Variants in TJP2 observed in about 807,000 individuals in gnomAD.
The protein encoded by TJP2 is Friedreich ataxia region gene X104 (tight junction protein ZO-2).
TJP2 carries 91 observed loss-of-function variants against 133.1 expected under a neutral mutation model. The ratio of observed to expected loss-of-function variants is 0.68; its 90% confidence interval spans 0.58 to 0.81. The LOEUF (loss-of-function observed/expected upper bound fraction) is 0.81. TJP2 is among the 40% of genes least tolerant of loss of function. TJP2 has a pLI of 0.00. For missense variants in TJP2, 1,541 were observed against 1,565.6 expected (o/e 0.98, Z 0.26); for synonymous variants, 592 against 583.4 (o/e 1.01, Z -0.21).
At chr9:69,163,175 G>A (rs1824176674) in intron 2 of TJP2, among the ~76,000 whole-genome samples, 1 of 105,724 alleles carries the variant, frequency 9.5e-6, no homozygotes, top group Non-Finnish European at 1.9e-5. Flanking sequence ...ACAGGCGCCC[G>A]CCACTACGCC....
chr9:69,248,118 C>T lies in TJP2; in HGVS notation c.2774C>T (p.Thr925Met), dbSNP rs774198938. ...CGCCTCATCAGTGACTTTGAAGACA[C>T]GGACGGTGAAGGAGGCGCCTACACT... ...DSRLISDFED[T>M]DGEGGAYTDN... The change falls in exon 19 of 23, where the codon ACG (threonine) becomes ATG (methionine). Residue 925 changes from threonine (T) to methionine (M), a missense_variant. Transcript: ENST00000377245. 43 of 1,614,064 alleles carry T rather than the reference C, an allele frequency of 2.7e-5. No homozygotes were observed. In the Admixed American group the frequency reaches 4.5e-4, roughly 17 times the overall value.
At chr9:69,249,506 G>A in intron 20 of TJP2, 21 bp downstream of exon 20, 1 of 1,584,204 alleles carries the variant, frequency 6.3e-7, no homozygotes, top group African/African-American at 1.3e-5. Flanking sequence ...GGGAAGCCCA[G>A]GATGGGAAGG....
chr9:69,175,871 A>T (rs1825046804), intron 1 of TJP2, among the ~76,000 whole-genome samples: 1 of 152,156 alleles, frequency 6.6e-6, no homozygotes, highest in African/African-American at 2.4e-5. Flanking sequence ...ATGCAGATTG[A>T]TGAAGGGGAA....
intron 1 of TJP2, among the ~76,000 whole-genome samples, chr9:69,127,553 C>CAA (rs113447829): frequency 5.0e-5 from 3 of 59,878 alleles, no homozygotes; most frequent in Non-Finnish European, 7.4e-5. Flanking sequence ...GATCTTGTCT[C>CAA]AAAAAAAAAA....
At chr9:69,185,603 A>G (rs996945696) in intron 1 of TJP2, among the ~76,000 whole-genome samples, 6 of 152,226 alleles carry the variant, frequency 3.9e-5, no homozygotes, top group Non-Finnish European at 7.3e-5. Flanking sequence ...GCTTTAATGT[A>G]TAATTTTATG....
At chr9:69,208,313 T>C (rs183593370) in intron 1 of TJP2, among the ~76,000 whole-genome samples, 288 of 152,360 alleles carry the variant, frequency 1.9e-3, no homozygotes, top group Non-Finnish European at 2.8e-3. Flanking sequence ...TTATTACCCG[T>C]TAACCATAGG....
intron 1 of TJP2, among the ~76,000 whole-genome samples, chr9:69,198,011 T>C (rs1220870049): frequency 1.3e-5 from 2 of 152,214 alleles, no homozygotes; most frequent in Admixed American, 6.5e-5. Context: ...CCCAAGCTCA[T>C]GGGTGAATTG....
intron 1 of TJP2, among the ~76,000 whole-genome samples, chr9:69,179,594 C>G (rs1825345935): frequency 6.6e-6 from 1 of 151,282 alleles, no homozygotes; most frequent in Non-Finnish European, 1.5e-5. Flanking sequence ...CTGCAAGCTC[C>G]ACCTCCCGGG....
chr9:69,197,565 A>C (rs1266019599), intron 1 of TJP2, among the ~76,000 whole-genome samples: 2 of 152,100 alleles, frequency 1.3e-5, no homozygotes, highest in Non-Finnish European at 2.9e-5. Flanking sequence ...AAGAAAACAG[A>C]CTTTCTTACT....
intron 2 of TJP2, among the ~76,000 whole-genome samples, chr9:69,156,520 A>T (rs971427591): frequency 2.1e-5 from 3 of 140,432 alleles, no homozygotes. Flanking sequence ...CAATACATGT[A>T]AGATTTTTTT....
exon 1 of TJP2, chr9:69,121,515 G>A: frequency 3.7e-6 from 1 of 269,498 alleles, no homozygotes; most frequent in Non-Finnish European, 5.7e-6. Context: ...ATATACGGGA[G>A]CAGCCGCGGA....
At chr9:69,197,871 T>A (rs1427728563) in intron 1 of TJP2, among the ~76,000 whole-genome samples, 12 of 152,184 alleles carry the variant, frequency 7.9e-5, no homozygotes. Flanking sequence ...GACACCATTG[T>A]CTACCTCCCA....
chr9:69,161,262 CTT>C (rs1171713778), intron 2 of TJP2, among the ~76,000 whole-genome samples: 3 of 151,696 alleles, frequency 2.0e-5, no homozygotes, highest in Non-Finnish European at 4.4e-5. Flanking sequence ...GAGTTTCGCT[CTT>C]GTTGCCCAGG....
intron 1 of TJP2, among the ~76,000 whole-genome samples, chr9:69,175,696 G>A (rs1050486146): frequency 1.2e-4 from 19 of 152,176 alleles, no homozygotes; most frequent in African/African-American, 3.9e-4. Context: ...AATCCGATGA[G>A]TGCCATTTAG....
In TJP2 at chr9:69,221,475, A is replaced by G; in HGVS notation, c.931A>G (p.Met311Val). 1.2e-6 allele frequency: 2 copies of G among 1,601,586 alleles called. No individual in the cohort carries two copies. The highest frequency in any genetic ancestry group is 1.7e-6 in the Non-Finnish European group (2 of 1,173,938). Residue 311 changes from methionine (M) to valine (V), a missense_variant, in exon 5 of 23, where the codon ATG (methionine) becomes GTG (valine). Transcript: ENST00000377245. ...GRPGPIGVLL[M>V]KSRANEEYGL... Reference sequence around the variant, plus strand: ...GCCGGGGCCCATCGGGGTCCTCCTGATGAAAAGCAGAGCGAACGAAGGTAG... The same window carrying G: ...GCCGGGGCCCATCGGGGTCCTCCTGGTGAAAAGCAGAGCGAACGAAGGTAG...
intron 3 of TJP2, 61 bp downstream of exon 3, chr9:69,216,524 T>C (rs1475306472): frequency 2.8e-5 from 44 of 1,585,884 alleles, no homozygotes; most frequent in Non-Finnish European, 2.7e-5. Flanking sequence ...CTAGACGGGG[T>C]ATTTTGGTTG....
At chr9:69,159,103 G>A (rs893218142) in intron 2 of TJP2, among the ~76,000 whole-genome samples, 6 of 151,808 alleles carry the variant, frequency 4.0e-5, no homozygotes, top group South Asian at 2.1e-4. Context: ...TCAGGAGTTC[G>A]AGACCAACCT....
At chr9:69,190,732 A>G (rs1424609351) in intron 1 of TJP2, among the ~76,000 whole-genome samples, 3 of 152,152 alleles carry the variant, frequency 2.0e-5, no homozygotes, top group Admixed American at 1.3e-4. Flanking sequence ...GTCCCTGCAC[A>G]TCAGTCTTCT....
chr9:69,234,662 T>A, intron 12 of TJP2, 115 bp downstream of exon 12: 2 of 721,956 alleles, frequency 2.8e-6, no homozygotes, highest in Non-Finnish European at 2.4e-6. Context: ...TTGAGATGGA[T>A]CTCAACACCT....
Sources: gnomAD v4.1 joint callset for allele counts (sites outside exome capture counted in the v4.1 genomes callset) on GRCh38, gnomAD v4.1.1 for gene constraint, MANE v1.5 for transcripts, NCBI Gene and HGNC (gene_info 2026-07-23, HGNC 2026-07-21) for gene names.